The following VPS13B variants were observed in gnomAD, a reference collection of about 807,000 sequenced individuals.
The protein encoded by VPS13B is intermembrane lipid transfer protein VPS13B.
A neutral mutation model predicts 426.4 loss-of-function variants in VPS13B; 285 were observed. The observed-to-expected ratio is 0.67, with a 90% confidence interval of 0.61 to 0.74. The LOEUF (loss-of-function observed/expected upper bound fraction) is 0.74. Ranked by LOEUF, VPS13B falls within the 30% of genes least tolerant of loss-of-function variation. The pLI, the probability that VPS13B is intolerant of heterozygous loss-of-function variation, is 0.00. For synonymous variants in VPS13B, 1,676 were observed against 1,676.4 expected (o/e 1.00, Z 0.01); for missense variants, 4,537 against 4,782.6 (o/e 0.95, Z 1.51).
In VPS13B at chr8:99,642,462, G is replaced by A; in HGVS notation, c.5872G>A (p.Val1958Met). 10 of 1,613,878 alleles carry A rather than the reference G, an allele frequency of 6.2e-6. No individual in the cohort carries two copies. The highest frequency in any genetic ancestry group is 7.6e-6 in the Non-Finnish European group (9 of 1,179,974). The part of the protein sequence containing the change: ...QRVEVSIFDA[V>M]LKGVASDYKC... ...AGTGGAAGTATCCATTTTTGATGCT[G>A]TGCTTAAAGGGGTGGCCTCTGATTA... The change falls in exon 34 of 62, where the codon GTG (valine) becomes ATG (methionine). Residue 1958 changes from valine (V) to methionine (M), a missense_variant. By Grantham distance (21) the Val-to-Met change is conservative. Around this residue, in one of 2 missense-constraint regions of VPS13B, gnomAD observed 4,311 missense variants for 4,474.3 expected, o/e 0.96. Coordinates refer to ENST00000357162, the MANE Select transcript of VPS13B (RefSeq NM_152564.5).
At chr8:99,078,029 G>C (rs1194644622) in intron 3 of VPS13B, among the ~76,000 whole-genome samples, 3 of 149,886 alleles carry the variant, frequency 2.0e-5, no homozygotes, top group Admixed American at 6.6e-5. Context: ...GATTTTGTTT[G>C]GTTGTTTTTT....
chr8:99,128,917 A>T (rs1035012330), intron 8 of VPS13B, among the ~76,000 whole-genome samples: 6 of 152,088 alleles, frequency 3.9e-5, no homozygotes, highest in Non-Finnish European at 7.4e-5. Flanking sequence ...AGGCGGGCGG[A>T]TCATGAGGTC....
intron 22 of VPS13B, among the ~76,000 whole-genome samples, chr8:99,435,606 CA>C (rs1198936781): frequency 5.3e-5 from 8 of 151,984 alleles, no homozygotes; most frequent in Non-Finnish European, 1.0e-4. Context: ...CTGAAATAAC[CA>C]AAAAATTATT....
intron 13 of VPS13B, among the ~76,000 whole-genome samples, chr8:99,146,632 G>A (rs931159805): frequency 2.0e-5 from 3 of 152,156 alleles, no homozygotes; most frequent in Non-Finnish European, 4.4e-5. Context: ...AAATACAGTG[G>A]TGTGATCATG....
chr8:99,463,938 G>A (rs1051258545), intron 23 of VPS13B, among the ~76,000 whole-genome samples: 4 of 152,060 alleles, frequency 2.6e-5, no homozygotes, highest in African/African-American at 9.7e-5. Context: ...CAGGTGATCT[G>A]CCCACTTCGG....
chr8:99,811,036 A>C (rs1481935335), intron 44 of VPS13B, among the ~76,000 whole-genome samples: 1 of 152,214 alleles, frequency 6.6e-6, no homozygotes, highest in Non-Finnish European at 1.5e-5. Flanking sequence ...ATATCTGCCC[A>C]GTAAGTGTAT....
Position 99,123,929 on chromosome 8 carries a change from G to A in VPS13B, c.1206+2484G>A, listed in dbSNP as rs146366354. Among the ~76,000 whole-genome samples, 664 of 152,258 alleles carry A rather than the reference G, an allele frequency of 4.4e-3. 1 individual carries two copies. The highest frequency in any genetic ancestry group is 8.9e-3 in the Admixed American group (136 of 15,278). ...TTTAAGTAGAGTAACTTAGTGGAGA[G>A]TTGGATATATGGATCTAGAATTCAG... is the stretch of plus-strand genomic sequence containing the variant. On this transcript the variant is annotated intron_variant, in intron 8 of 61. Coordinates refer to ENST00000357162, the MANE Select transcript of VPS13B (RefSeq NM_152564.5).
At chr8:99,514,770 C>T (rs531724269) in intron 29 of VPS13B, among the ~76,000 whole-genome samples, 2 of 152,068 alleles carry the variant, frequency 1.3e-5, no homozygotes, top group Non-Finnish European at 2.9e-5. Context: ...CTGTTAGAGG[C>T]CCTGTTTTCA....
chr8:99,712,909 G>T (rs183778221), intron 36 of VPS13B, among the ~76,000 whole-genome samples: 3 of 151,846 alleles, frequency 2.0e-5, no homozygotes, highest in South Asian at 4.2e-4. Flanking sequence ...TATAACGTTG[G>T]GGGGGTTAAG....
At chr8:99,719,409 C>G (rs545158082) in intron 37 of VPS13B, among the ~76,000 whole-genome samples, 2 of 152,308 alleles carry the variant, frequency 1.3e-5, no homozygotes, top group South Asian at 4.1e-4. Flanking sequence ...GATGAGAACA[C>G]AAGTACACTT....
chr8:99,419,745 A>G (rs1816269848), intron 21 of VPS13B, among the ~76,000 whole-genome samples: 1 of 152,236 alleles, frequency 6.6e-6, no homozygotes. Context: ...AAGGTGATAC[A>G]GAATATCAAA....
At chr8:99,665,400 A>G (rs1211656337) in intron 35 of VPS13B, among the ~76,000 whole-genome samples, 3 of 152,140 alleles carry the variant, frequency 2.0e-5, no homozygotes, top group Admixed American at 6.5e-5. Context: ...GCCCATGCCT[A>G]TGTCCTGAAT....
At chr8:99,239,880 A>G (rs1261029997) in intron 17 of VPS13B, among the ~76,000 whole-genome samples, 1 of 152,154 alleles carries the variant, frequency 6.6e-6, no homozygotes, top group Non-Finnish European at 1.5e-5. Context: ...TTTCCTCCTC[A>G]TTTACTTTAT....
chr8:99,356,180 T>C (rs1812172568), intron 19 of VPS13B, among the ~76,000 whole-genome samples: 1 of 152,212 alleles, frequency 6.6e-6, no homozygotes, highest in Non-Finnish European at 1.5e-5. Flanking sequence ...CTTTTACTTG[T>C]AATTTAGACT....
chr8:99,113,776 G>T (rs1246627460), intron 6 of VPS13B, among the ~76,000 whole-genome samples: 1 of 151,972 alleles, frequency 6.6e-6, no homozygotes, highest in Admixed American at 6.6e-5. Context: ...TTTTGGCCAG[G>T]CTGGTCTCAA....
chr8:99,743,751 G>A (rs1563894718), intron 39 of VPS13B, among the ~76,000 whole-genome samples: 1 of 152,188 alleles, frequency 6.6e-6, no homozygotes, highest in African/African-American at 2.4e-5. Context: ...AATAAATGGT[G>A]CTGGGAAAAC....
chr8:99,467,663 T>C, intron 24 of VPS13B, 29 bp downstream of exon 24: 1 of 1,597,966 alleles, frequency 6.3e-7, no homozygotes, highest in South Asian at 1.1e-5. Context: ...TGAAAGGAAA[T>C]TTAAAGTAAT....
intron 61 of VPS13B, 36 bp from the exon 62 acceptor site, chr8:99,875,382 G>A: frequency 6.2e-7 from 1 of 1,613,948 alleles, no homozygotes; most frequent in Non-Finnish European, 8.5e-7. Context: ...TCTCGTAAGG[G>A]TCTGGCAACT....
chr8:99,014,025 A>G lies in VPS13B; in HGVS notation c.147+90A>G, dbSNP rs117681770. On this transcript the variant is annotated intron_variant, in intron 2 of 61. Transcript: ENST00000357162. ...TTCCTAAGCTTTGACTTTATGCTGT[A>G]AAAACGTAACTTTTCTACTGATGTA... 9,794 of 1,582,130 alleles carry G rather than the reference A, an allele frequency of 6.2e-3. 55 individuals are homozygous for G. The highest frequency in any genetic ancestry group is 7.3e-3 in the Non-Finnish European group (8,413 of 1,156,842).
Sources: gnomAD v4.1 joint callset for allele counts (sites outside exome capture counted in the v4.1 genomes callset) on GRCh38, gnomAD v4.1.1 for gene constraint, gnomAD v4.1.1 regional missense constraint, MANE v1.5 for transcripts, NCBI Gene and HGNC (gene_info 2026-07-23, HGNC 2026-07-21) for gene names.